Variants in RTTN observed in about 807,000 individuals in gnomAD.
RTTN encodes rotatin.
Under a neutral mutation model 269.2 loss-of-function variants are expected in RTTN, and 182 were observed. The observed-to-expected ratio is 0.68, with a 90% CI of 0.60 to 0.76. The LOEUF is 0.76. Among genes scored for constraint, RTTN ranks in the 30% least tolerant of loss-of-function variants. The pLI is 0.00. For missense variants in RTTN, 2,545 were observed against 2,608.6 expected, an observed-to-expected ratio of 0.98 and a Z score of 0.53; for synonymous variants, 1,006 against 963.5, an observed-to-expected ratio of 1.04 and a Z score of -0.82.
At chr18:70,041,502 A>G (rs1435177629) in intron 40 of RTTN, among the ~76,000 whole-genome samples, 1 of 152,034 alleles carries the variant, frequency 6.6e-6, no homozygotes, top group Non-Finnish European at 1.5e-5. Flanking sequence ...AACTACCCCA[A>G]TCTATCCACT....
chr18:70,066,271 C>T (rs947824398), intron 34 of RTTN, among the ~76,000 whole-genome samples: 1 of 152,056 alleles, frequency 6.6e-6, no homozygotes, highest in Non-Finnish European at 1.5e-5. Flanking sequence ...TGATATTTTG[C>T]ATTTCTTGAT....
chr18:70,205,505 C>A (rs1253055674), intron 1 of RTTN, 123 bp downstream of exon 1: 3 of 1,423,898 alleles, frequency 2.1e-6, no homozygotes, highest in Non-Finnish European at 3.0e-6. Context: ...GCTATCCTGA[C>A]AAAGCGGGGG....
chr18:70,012,535 G>T (rs2056417248), intron 46 of RTTN, among the ~76,000 whole-genome samples: 1 of 151,532 alleles, frequency 6.6e-6, no homozygotes. Context: ...CTGCTCACTG[G>T]TGTTAGATAG....
At chr18:70,101,861 T>C (rs565606018) in intron 28 of RTTN, among the ~76,000 whole-genome samples, 2 of 152,370 alleles carry the variant, frequency 1.3e-5, no homozygotes, top group East Asian at 3.9e-4. Context: ...GAGCAGGTTG[T>C]TCAGTTTCCA....
intron 30 of RTTN, among the ~76,000 whole-genome samples, chr18:70,088,596 C>T (rs1008994712): frequency 1.3e-5 from 2 of 152,116 alleles, no homozygotes; most frequent in African/African-American, 2.4e-5. Context: ...CAAGGCATTT[C>T]GTATTTTCCT....
Position 70,046,756 on chromosome 18 carries a change from T to C in RTTN, c.5541+1215A>G, listed in dbSNP as rs576447808. On this transcript the variant is annotated intron_variant, in intron 40 of 48. Coordinates refer to ENST00000640769, the MANE Select transcript of RTTN (RefSeq NM_173630.4). Reference sequence around the variant, plus strand: ...GGAACGCTTCTCCCCTAGAGCTCTATCCAGGCTTCTGAAGGCGCTGCTGGA... The same window carrying C: ...GGAACGCTTCTCCCCTAGAGCTCTACCCAGGCTTCTGAAGGCGCTGCTGGA... Among the ~76,000 whole-genome samples, 5 of 152,286 alleles carry C rather than the reference T, an allele frequency of 3.3e-5. No homozygotes were observed. In the South Asian group the frequency reaches 1.0e-3, roughly 32 times the overall value.
chr18:70,114,742 T>C (rs529600037), intron 26 of RTTN, 143 bp from the exon 27 acceptor site: 2 of 474,290 alleles, frequency 4.2e-6, no homozygotes, highest in African/African-American at 4.0e-5. Flanking sequence ...TTAGTAGAGA[T>C]GTTCTAAATT....
At chr18:70,093,743 G>A (rs748155496) in intron 28 of RTTN, among the ~76,000 whole-genome samples, 1 of 152,182 alleles carries the variant, frequency 6.6e-6, no homozygotes, top group South Asian at 2.1e-4. Flanking sequence ...GTTCCTCAGT[G>A]ATAATGACCT....
In RTTN at chr18:70,054,378, T is replaced by G. The variant is rs1054458274; in HGVS notation, c.5032-94A>C. ...TTTACTTTTGTAACACAATAAAAAA[T>G]AAAATATTAACCATAATTTTTCAAG... On this transcript the variant is annotated intron_variant, in intron 37 of 48. Transcript: ENST00000640769. The G allele has an allele frequency of 9.5e-6, 11 of 1,163,956 alleles. No individual in the cohort carries two copies. In the African/African-American group the frequency reaches 1.7e-4, roughly 18 times the overall value. The allele number at this position is 1,163,956 out of a possible 1,614,324, so 72.1% of individuals were successfully genotyped here.
At position 70,140,104 on chromosome 18, in the gene RTTN, C is replaced by T; in HGVS notation, c.2666G>A (p.Gly889Asp). The T allele has an allele frequency of 6.3e-7, 1 of 1,583,542 alleles. No individual in the cohort carries two copies. Among genetic ancestry groups the T allele is most frequent in the Non-Finnish European group, 8.7e-7 (1 of 1,153,628 alleles). Residue 889 changes from glycine (G) to aspartate (D), a missense_variant, in exon 20 of 49, where the codon GGC becomes GAC. Transcript: ENST00000640769. ...EYLNECVSQD[G>D]KVVECLVQPC... ...CTAGATGCACATTAGCCTTACCTTG[C>T]CATCTTGACTCACACATTCATTTAA...
At chr18:70,053,999 T>G in intron 38 of RTTN, 132 bp downstream of exon 38, 1 of 722,786 alleles carries the variant, frequency 1.4e-6, no homozygotes, top group Non-Finnish European at 2.2e-6. Context: ...ATAAAACACA[T>G]TATCAAAGCC....
chr18:70,017,833 C>A (rs1425041810), intron 45 of RTTN, among the ~76,000 whole-genome samples, 159 bp from the exon 46 acceptor site: 1 of 152,078 alleles, frequency 6.6e-6, no homozygotes, highest in African/African-American at 2.4e-5. Flanking sequence ...TATTTCCAAG[C>A]ATAAGTGAAA....
chr18:70,205,010 CTGGT>C, intron 2 of RTTN, 114 bp downstream of exon 2: 1 of 929,648 alleles, frequency 1.1e-6, no homozygotes, highest in Non-Finnish European at 1.7e-6. Context: ...TTAAACATCT[CTGGT>C]TGATTAAAAA....
At chr18:70,040,096 G>A (rs1026943063) in intron 40 of RTTN, among the ~76,000 whole-genome samples, 4 of 151,900 alleles carry the variant, frequency 2.6e-5, no homozygotes, top group Admixed American at 2.0e-4. Flanking sequence ...ATAACAAAAC[G>A]GCAGAAGGCA....
intron 43 of RTTN, among the ~76,000 whole-genome samples, chr18:70,028,225 T>G (rs2056908659): frequency 6.6e-6 from 1 of 151,842 alleles, no homozygotes; most frequent in Non-Finnish European, 1.5e-5. Flanking sequence ...AACATCTCAG[T>G]GATTTTTAGA....
At chr18:70,085,786 A>G (rs1229617104) in intron 32 of RTTN, among the ~76,000 whole-genome samples, 13 of 152,146 alleles carry the variant, frequency 8.5e-5, no homozygotes, top group Non-Finnish European at 2.9e-5. Flanking sequence ...ATACACATGG[A>G]CATAAAGACA....
intron 46 of RTTN, among the ~76,000 whole-genome samples, chr18:70,016,582 T>C (rs1226594657): frequency 6.6e-6 from 1 of 152,182 alleles, no homozygotes; most frequent in African/African-American, 2.4e-5. Context: ...GAAATTCACA[T>C]ACTCCTCACA....
At chr18:70,155,521 G>C (rs371160102) in intron 14 of RTTN, among the ~76,000 whole-genome samples, 1 of 152,224 alleles carries the variant, frequency 6.6e-6, no homozygotes, top group Non-Finnish European at 1.5e-5. Flanking sequence ...AGTGGCAAGT[G>C]CAACAGGCAT....
At chr18:70,139,779 C>A in intron 20 of RTTN, 63 bp from the exon 21 acceptor site, 1 of 941,656 alleles carries the variant, frequency 1.1e-6, no homozygotes, top group South Asian at 1.4e-5. Flanking sequence ...ATCAAACAGA[C>A]CATAATATTA....
Sources: allele counts gnomAD v4.1 joint callset (sites outside exome capture counted in the v4.1 genomes callset), GRCh38; gene constraint gnomAD v4.1.1; transcripts MANE v1.5; gene names NCBI Gene and HGNC (gene_info 2026-07-23, HGNC 2026-07-21).